HSPBAP1: variants seen among roughly 807,000 people sequenced by gnomAD.
HSPBAP1 encodes the protein HSPB1-associated protein 1.
HSPBAP1 carries 27 observed loss-of-function variants against 45.2 expected under a neutral mutation model. The observed-to-expected ratio is 0.60, with a 90% confidence interval of 0.44 to 0.82. HSPBAP1 has a LOEUF of 0.82. HSPBAP1 is among the 40% of genes least tolerant of loss of function. The pLI, the probability that HSPBAP1 is intolerant of heterozygous loss-of-function variation, is 0.00. For synonymous variants in HSPBAP1, 204 were observed against 202.7 expected (o/e 1.01, Z -0.06); for missense variants, 510 against 590.9 (o/e 0.86, Z 1.42).
intron 6 of HSPBAP1, among the ~76,000 whole-genome samples, chr3:122,747,282 G>A (rs1393029308): frequency 6.6e-6 from 1 of 151,796 alleles, no homozygotes; most frequent in Non-Finnish European, 1.5e-5. Flanking sequence ...CGTCTGAGAT[G>A]TGGGGAGCGC....
rs754363582 is a variant in HSPBAP1, at chr3:122,740,481, A to G, written c.1331T>C (p.Ile444Thr). ...AGTATTTGAGGCAATCTGTTCCTCA[A>G]TTGCATTTTCACTGTTGCTCATTAT... ...QQIMSNSENA[I>T]EEQIASNTTT... Residue 444 changes from isoleucine to threonine, a missense_variant, in exon 8 of 8, where the codon ATT (isoleucine) becomes ACT (threonine). Transcript: ENST00000306103. The G allele has an allele frequency of 3.1e-6, 5 of 1,614,160 alleles. No individual in the cohort carries two copies. The highest frequency in any genetic ancestry group is 1.7e-5 in the Admixed American group (1 of 60,022).
intron 1 of HSPBAP1, among the ~76,000 whole-genome samples, chr3:122,789,028 A>G (rs1935740240): frequency 6.6e-6 from 1 of 152,222 alleles, no homozygotes; most frequent in Non-Finnish European, 1.5e-5. Context: ...TTTTATCTAC[A>G]TTATGAATTA....
chr3:122,755,575 C>T, intron 4 of HSPBAP1, 144 bp from the exon 5 acceptor site: 1 of 530,380 alleles, frequency 1.9e-6, no homozygotes, highest in Non-Finnish European at 3.1e-6. Context: ...GGTCACCTGT[C>T]CATCTCTGAC....
chr3:122,779,583 T>C (rs1297858685), intron 1 of HSPBAP1, among the ~76,000 whole-genome samples: 2 of 151,612 alleles, frequency 1.3e-5, no homozygotes, highest in East Asian at 1.9e-4. Context: ...CATAGGACAA[T>C]AGTGGAGGGA....
intron 3 of HSPBAP1, among the ~76,000 whole-genome samples, chr3:122,764,621 A>G (rs1018594280): frequency 1.3e-5 from 2 of 152,212 alleles, no homozygotes; most frequent in African/African-American, 4.8e-5. Context: ...AGCAAATAAA[A>G]TTAATCTTAT....
intron 5 of HSPBAP1, chr3:122,753,383 G>A (rs1934229328): frequency 1.6e-5 from 7 of 439,092 alleles, no homozygotes; most frequent in Non-Finnish European, 1.8e-5. Context: ...AGGGACAGCG[G>A]ACTTCAGAAT....
intron 3 of HSPBAP1, among the ~76,000 whole-genome samples, chr3:122,761,026 G>A (rs1338974654): frequency 6.6e-6 from 1 of 152,124 alleles, no homozygotes; most frequent in Non-Finnish European, 1.5e-5. Flanking sequence ...AGTATGCAGG[G>A]AATGCTTTAA....
chr3:122,752,929 G>T lies in HSPBAP1; in HGVS notation c.742-255C>A, dbSNP rs562413939. The T allele has an allele frequency of 2.1e-5, 25 of 1,165,532 alleles. No homozygotes were observed. The South Asian group carries it at 5.7e-4, about 27-fold the overall frequency. 72.2% of individuals were successfully genotyped at this position (1,165,532 alleles called of 1,614,324 possible). A position where few individuals can be genotyped will look rare whatever the true frequency, so the allele number is the denominator to read the frequency against. ...TTCTCTTTAATCCTGGGCCTTCTTT[G>T]TCTGCACCTAAATCTTAGTACATGA... is the stretch of plus-strand genomic sequence containing the variant. On this transcript the variant is annotated intron_variant, in intron 5 of 7. Coordinates refer to ENST00000306103, the MANE Select transcript of HSPBAP1 (RefSeq NM_024610.6).
rs1406752074 is a variant in HSPBAP1 at position 122,777,804 on chromosome 3, C to T, written c.167G>A (p.Arg56Gln). ...FCNMVFDWPA[R>Q]HWNAKYLSQV... is the part of the protein sequence containing the mutation. ...CGAAAGGTATTTAGCATTCCAGTGT[C>T]GTGCTGGCCAATCAAACACCATGTT... is the stretch of plus-strand genomic sequence containing the variant. Residue 56 changes from arginine (R) to glutamine (Q), a missense_variant, in exon 2 of 8, where the codon CGA becomes CAA. Physicochemically the swap from Arg to Gln is conservative, Grantham distance 43. Coordinates refer to ENST00000306103, the MANE Select transcript of HSPBAP1 (RefSeq NM_024610.6). 1.9e-6 allele frequency: 3 copies of T among 1,613,798 alleles called. No homozygotes were observed. The highest frequency in any genetic ancestry group is 1.7e-6 in the Non-Finnish European group (2 of 1,179,856).
At chr3:122,785,541 T>C (rs908291432) in intron 1 of HSPBAP1, among the ~76,000 whole-genome samples, 2 of 152,150 alleles carry the variant, frequency 1.3e-5, no homozygotes, top group African/African-American at 4.8e-5. Flanking sequence ...CTCTTAGTAA[T>C]TTCTTATCCA....
intron 3 of HSPBAP1, among the ~76,000 whole-genome samples, chr3:122,767,769 T>C (rs74327308): frequency 0.051 from 7,678 of 151,692 alleles, 262 homozygotes; most frequent in Middle Eastern, 0.11. Flanking sequence ...AAAAGAAAAA[T>C]ATACACTGAA....
intron 1 of HSPBAP1, among the ~76,000 whole-genome samples, chr3:122,779,013 G>T (rs557871817): frequency 6.6e-6 from 1 of 151,632 alleles, no homozygotes; most frequent in South Asian, 2.1e-4. Context: ...GATCCTTAAT[G>T]TGATAGATTT....
intron 1 of HSPBAP1, among the ~76,000 whole-genome samples, chr3:122,792,877 GAAAA>G (rs11362705): frequency 7.0e-6 from 1 of 142,990 alleles, no homozygotes; most frequent in Non-Finnish European, 1.5e-5. Context: ...CTCAAAAAAA[GAAAA>G]AAAAAAAAAG....
Position 122,768,854 on chromosome 3 carries a change from G to T in HSPBAP1, c.279C>A (p.Tyr93Ter). 6.2e-7 allele frequency: 1 copy of T among 1,611,168 alleles called. No homozygotes were observed. The highest frequency in any genetic ancestry group is 8.5e-7 in the Non-Finnish European group (1 of 1,177,570). ...TVPQFETTCN[Y>*]VEATLEEFLT... ...GAAACTCTTCGAGTGTAGCTTCTAC[G>T]TAATTACATGTAGTTTCAAACTGAG... The change falls in exon 3 of 8, where the codon TAC becomes TAA. Residue 93 changes from tyrosine (Y) to a stop codon, truncating the protein, a stop_gained. Coordinates refer to ENST00000306103, the MANE Select transcript of HSPBAP1 (RefSeq NM_024610.6). LOFTEE classifies it high-confidence loss of function.
intron 2 of HSPBAP1, among the ~76,000 whole-genome samples, chr3:122,773,423 C>G (rs1935080496): frequency 6.6e-6 from 1 of 150,652 alleles, no homozygotes; most frequent in African/African-American, 2.4e-5. Context: ...GAGTCTCACG[C>G]CTCACCTCCC....
chr3:122,740,263 G>T lies in HSPBAP1; in HGVS notation c.*82C>A. ...TTACAAATGTGCAAACTGACCTTTTGCTGGTTCATCTTTATTTTAGTCATA... is the reference window on the plus strand; with the variant it reads ...TTACAAATGTGCAAACTGACCTTTTTCTGGTTCATCTTTATTTTAGTCATA... On this transcript the variant is annotated 3_prime_UTR_variant, in exon 8 of 8. Coordinates refer to ENST00000306103, the MANE Select transcript of HSPBAP1 (RefSeq NM_024610.6). The T allele has an allele frequency of 1.2e-6, 1 of 859,752 alleles. No homozygotes were observed. The highest frequency in any genetic ancestry group is 1.7e-6 in the Non-Finnish European group (1 of 603,654). 53.3% of individuals were successfully genotyped at this position (859,752 alleles called of 1,614,324 possible).
chr3:122,768,648 T>A (rs1306799840), intron 3 of HSPBAP1, 53 bp downstream of exon 3: 1 of 1,263,956 alleles, frequency 7.9e-7, no homozygotes. Context: ...TAATTTGTGT[T>A]CTTTTCTCAA....
At chr3:122,740,924 A>C in intron 7 of HSPBAP1, 49 bp from the exon 8 acceptor site, 1 of 1,608,820 alleles carries the variant, frequency 6.2e-7, no homozygotes, top group South Asian at 1.1e-5. Flanking sequence ...ATTTAGTTAC[A>C]CTGGAAAACA....
intron 6 of HSPBAP1, among the ~76,000 whole-genome samples, chr3:122,751,449 G>GT (rs1934131412): frequency 1.3e-5 from 2 of 152,076 alleles, no homozygotes; most frequent in South Asian, 4.1e-4. Flanking sequence ...GGCCAGAATG[G>GT]TAAAAAGTCT....
Sources: allele counts gnomAD v4.1 joint callset (sites outside exome capture counted in the v4.1 genomes callset), GRCh38; gene constraint gnomAD v4.1.1; transcripts MANE v1.5; gene names NCBI Gene and HGNC (gene_info 2026-07-23, HGNC 2026-07-21).